Variants in USP38 observed in about 807,000 individuals in gnomAD.
USP38 encodes the protein ubiquitin specific peptidase 38.
A neutral mutation model predicts 94.3 loss-of-function variants in USP38; 49 were observed. The ratio of observed to expected loss-of-function variants is 0.52; its 90% confidence interval spans 0.41 to 0.66. The LOEUF is 0.66. USP38 is among the 30% of genes least tolerant of loss of function. USP38 has a pLI of 0.00. For missense variants in USP38, 1,128 were observed against 1,229.4 expected, an observed-to-expected ratio of 0.92 and a Z score of 1.23; for synonymous variants, 468 against 463.6, an observed-to-expected ratio of 1.01 and a Z score of -0.12.
Position 143,206,160 on chromosome 4 carries a change from G to T in USP38, c.1337G>T (p.Gly446Val). Residue 446 changes from glycine (G) to valine (V), a missense_variant, in exon 6 of 10, where the codon GGT becomes GTT. By Grantham distance (109) the Gly-to-Val change is moderately radical. Transcript: ENST00000307017. ...LSGKSETGKT[G>V]LINLGNTCYM... The stretch of plus-strand genomic sequence containing the variant: ...GGAAAATCTGAAACTGGGAAAACTG[G>T]TCTTATTAACCTAGGAAATACATGT... The T allele has an allele frequency of 6.2e-7, 1 of 1,613,676 alleles. No individual in the cohort carries two copies. The highest frequency in any genetic ancestry group is 8.5e-7 in the Non-Finnish European group (1 of 1,179,880).
intron 9 of USP38, among the ~76,000 whole-genome samples, chr4:143,217,836 A>C (rs1342748986): frequency 1.3e-5 from 2 of 152,196 alleles, no homozygotes; most frequent in Non-Finnish European, 1.5e-5. Flanking sequence ...ATAGCCTGAC[A>C]TTTGGGAAAA....
intron 5 of USP38, among the ~76,000 whole-genome samples, chr4:143,203,828 T>G (rs1404368391): frequency 6.6e-6 from 1 of 152,190 alleles, no homozygotes; most frequent in Non-Finnish European, 1.5e-5. Flanking sequence ...TTTGGGAAAT[T>G]TGTTTAAAAA....
chr4:143,200,548 G>A (rs893468453), intron 4 of USP38, among the ~76,000 whole-genome samples: 3 of 152,178 alleles, frequency 2.0e-5, no homozygotes, highest in Non-Finnish European at 4.4e-5. Flanking sequence ...TCAGGCAAGA[G>A]AAGGCAATAG....
chr4:143,198,197 A>G (rs1302070785), intron 4 of USP38, among the ~76,000 whole-genome samples: 1 of 152,194 alleles, frequency 6.6e-6, no homozygotes, highest in African/African-American at 2.4e-5. Flanking sequence ...TGTCTGTTGC[A>G]CAAATGAACA....
At chr4:143,202,597 T>G (rs1313846445) in intron 4 of USP38, among the ~76,000 whole-genome samples, 1 of 152,100 alleles carries the variant, frequency 6.6e-6, no homozygotes, top group African/African-American at 2.4e-5. Context: ...AAATAGAAGT[T>G]GTTTCATTTT....
chr4:143,195,301 T>C (rs774407464), intron 2 of USP38, among the ~76,000 whole-genome samples: 7 of 152,344 alleles, frequency 4.6e-5, no homozygotes, highest in Non-Finnish European at 5.9e-5. Context: ...GAAATGCTCA[T>C]TGGGACATTT....
At chr4:143,186,268 A>C in intron 1 of USP38, 136 bp downstream of exon 1, 2 of 843,108 alleles carry the variant, frequency 2.4e-6, no homozygotes, top group Non-Finnish European at 3.7e-6. Context: ...CCTCATCCCA[A>C]ATTTATTCAC....
chr4:143,213,768 A>G lies in USP38; in HGVS notation c.1792A>G (p.Ile598Val). Residue 598 changes from isoleucine to valine, a missense_variant, in exon 9 of 10, where the codon ATA becomes GTA. Physicochemically the swap from Ile to Val is conservative, Grantham distance 29. Coordinates refer to ENST00000307017, the MANE Select transcript of USP38 (RefSeq NM_032557.6). Reference sequence around the variant, plus strand: ...GTTTGGAGGAAAACTACGAACTCACATACGTTGTTTGAACTGCAGGAGTAC... The same window carrying G: ...GTTTGGAGGAAAACTACGAACTCACGTACGTTGTTTGAACTGCAGGAGTAC... Reference protein sequence around the residue: ...KMFGGKLRTHIRCLNCRSTSQ... With the variant: ...KMFGGKLRTHVRCLNCRSTSQ... 2 of 1,613,856 alleles carry G rather than the reference A, an allele frequency of 1.2e-6. No individual in the cohort carries two copies. The highest frequency in any genetic ancestry group is 8.5e-7 in the Non-Finnish European group (1 of 1,179,844).
chr4:143,196,830 C>G (rs924344802), intron 3 of USP38, among the ~76,000 whole-genome samples: 1 of 152,168 alleles, frequency 6.6e-6, no homozygotes, highest in Non-Finnish European at 1.5e-5. Flanking sequence ...CCTCCCAGAC[C>G]TAGAGGCTAC....
rs1023317763 is a variant in USP38, at chr4:143,185,332, C to T, written c.-119C>T. ...TGCTGAGGCGGCGGTGGCCGTGGCCCGTCGCGCTGCTGCTGCGGCGCTCCA... is the reference window on the plus strand; with the variant it reads ...TGCTGAGGCGGCGGTGGCCGTGGCCTGTCGCGCTGCTGCTGCGGCGCTCCA... On this transcript the variant is annotated 5_prime_UTR_variant, in exon 1 of 10. Transcript: ENST00000307017. 16 of 1,143,082 alleles carry T rather than the reference C, an allele frequency of 1.4e-5. 1 individual carries two copies. The Admixed American group carries it at 2.0e-4, about 14-fold the overall frequency. The allele number at this position is 1,143,082 out of a possible 1,614,324, so 70.8% of individuals were successfully genotyped here.
chr4:143,191,944 G>C (rs1466578221), intron 2 of USP38, among the ~76,000 whole-genome samples: 1 of 152,196 alleles, frequency 6.6e-6, no homozygotes, highest in African/African-American at 2.4e-5. Context: ...GCCTGTACTG[G>C]AGAAGAACCT....
chr4:143,193,255 T>C lies in USP38; in HGVS notation c.819-2461T>C, dbSNP rs866985371. Among the ~76,000 whole-genome samples the C allele has an allele frequency of 3.9e-5, 6 of 152,296 alleles. No individual in the cohort carries two copies. In the South Asian group the frequency reaches 6.2e-4, roughly 16 times the overall value. On this transcript the variant is annotated intron_variant, in intron 2 of 9. Transcript: ENST00000307017. The stretch of plus-strand genomic sequence containing the variant: ...TGTTAATTCAACAATTTCTCAGCTC[T>C]TTCCATTTTAGATTCCTCATGGATA...
chr4:143,195,943 T>G (rs1337969251), intron 3 of USP38, 98 bp downstream of exon 3: 1 of 1,154,558 alleles, frequency 8.7e-7, no homozygotes, highest in Non-Finnish European at 1.2e-6. Flanking sequence ...ATTTTGAATA[T>G]GTTATTGTTG....
rs747642109 is a variant in USP38 at position 143,214,317 on chromosome 4, T to G, written c.2341T>G (p.Leu781Val). Residue 781 changes from leucine (L) to valine (V), a missense_variant, in exon 9 of 10, where the codon TTA becomes GTA. Coordinates refer to ENST00000307017, the MANE Select transcript of USP38 (RefSeq NM_032557.6). ...DQKYHVRRKI[L>V]DNVSLPLVLE... ...GAAGTATCATGTGAGAAGGAAAATT[T>G]TAGACAATGTATCACTGCCACTGGT... is the stretch of plus-strand genomic sequence containing the variant. The G allele has an allele frequency of 6.2e-7, 1 of 1,612,782 alleles. No homozygotes were observed. Among genetic ancestry groups the G allele is most frequent in the Admixed American group, 1.7e-5 (1 of 59,774 alleles).
chr4:143,223,606 A>G lies in USP38; in HGVS notation c.*3150A>G, dbSNP rs937713474. On this transcript the variant is annotated 3_prime_UTR_variant, in exon 10 of 10. Coordinates refer to ENST00000307017, the MANE Select transcript of USP38 (RefSeq NM_032557.6). ...ATTGGATGCTTATTGTGTGCCCAGC[A>G]CAGTTTAGGAAAAAAATAATTGGCA... is the stretch of plus-strand genomic sequence containing the variant. 6 of 152,092 alleles carry G rather than the reference A, an allele frequency of 3.9e-5. No homozygotes were observed. Among genetic ancestry groups the G allele is most frequent in the African/African-American group, 1.4e-4 (6 of 41,428 alleles). 9.4% of individuals were successfully genotyped at this position (152,092 alleles called of 1,614,324 possible).
intron 8 of USP38, among the ~76,000 whole-genome samples, chr4:143,212,647 C>T (rs1344600294): frequency 6.6e-6 from 1 of 151,968 alleles, no homozygotes; most frequent in African/African-American, 2.4e-5. Flanking sequence ...AACAAGGACC[C>T]CTGCGGGTTC....
At chr4:143,213,557 A>T (rs929914986) in intron 8 of USP38, 24 bp from the exon 9 acceptor site, 1 of 1,556,190 alleles carries the variant, frequency 6.4e-7, no homozygotes, top group Non-Finnish European at 8.6e-7. Context: ...TTAAGTAGCT[A>T]TATAATGATA....
At chr4:143,205,130 T>A (rs1191124293) in intron 5 of USP38, among the ~76,000 whole-genome samples, 1 of 152,200 alleles carries the variant, frequency 6.6e-6, no homozygotes, top group Non-Finnish European at 1.5e-5. Flanking sequence ...GTTAATTGAT[T>A]GCCATTGTTT....
chr4:143,203,979 CTT>C (rs554930038), intron 5 of USP38, among the ~76,000 whole-genome samples: 3 of 144,192 alleles, frequency 2.1e-5, no homozygotes. Context: ...CCTTTTTAAT[CTT>C]TTTTTTTTTT....
Sources: allele counts gnomAD v4.1 joint callset (sites outside exome capture counted in the v4.1 genomes callset), GRCh38; gene constraint gnomAD v4.1.1; transcripts MANE v1.5; gene names NCBI Gene and HGNC (gene_info 2026-07-23, HGNC 2026-07-21).